The following SHANK2 variants were observed in gnomAD, a reference collection of about 807,000 sequenced individuals.
The protein encoded by SHANK2 is SH3 and multiple ankyrin repeat domains 2, also known as SH3 and multiple ankyrin repeat domains protein 2.
SHANK2 carries 43 observed loss-of-function variants against 133.7 expected under a neutral mutation model. The observed-to-expected ratio is 0.32, with a 90% CI of 0.25 to 0.41. The LOEUF (loss-of-function observed/expected upper bound fraction) is 0.41. SHANK2 is among the 10% of genes least tolerant of loss of function. SHANK2 has a pLI of 1.00. For missense variants in SHANK2, 1,994 were observed against 2,235.8 expected, an observed-to-expected ratio of 0.89 and a Z score of 2.18; for synonymous variants, 1,017 against 952.8, an observed-to-expected ratio of 1.07 and a Z score of -1.24.
chr11:70,858,246 T>C (rs1051186185), intron 11 of SHANK2, among the ~76,000 whole-genome samples: 14 of 152,222 alleles, frequency 9.2e-5, no homozygotes, highest in African/African-American at 3.4e-4. Flanking sequence ...TTCACTGCCA[T>C]GTTCATATAA....
intron 12 of SHANK2, among the ~76,000 whole-genome samples, chr11:70,817,655 G>A (rs185058037): frequency 4.7e-4 from 71 of 152,300 alleles, no homozygotes; most frequent in African/African-American, 1.3e-3. Flanking sequence ...TGTGGAATGC[G>A]CACTGGCTGG....
chr11:71,160,742 A>T (rs550446578), intron 2 of SHANK2, among the ~76,000 whole-genome samples: 39 of 152,178 alleles, frequency 2.6e-4, no homozygotes, highest in Non-Finnish European at 4.6e-4. Flanking sequence ...ATGGGGAAAA[A>T]GTTGAGGAGG....
At chr11:70,821,935 C>T (rs539723531) in intron 11 of SHANK2, among the ~76,000 whole-genome samples, 2 of 152,200 alleles carry the variant, frequency 1.3e-5, no homozygotes, top group Non-Finnish European at 2.9e-5. Flanking sequence ...CAGGCCCTCA[C>T]TCTCCTCACT....
intron 13 of SHANK2, among the ~76,000 whole-genome samples, chr11:70,801,621 A>C (rs782541177): frequency 1.3e-5 from 2 of 152,180 alleles, no homozygotes; most frequent in African/African-American, 4.8e-5. Flanking sequence ...CTGGGTAAGA[A>C]GAGGTGGAGG....
intron 8 of SHANK2, among the ~76,000 whole-genome samples, chr11:71,088,376 G>C (rs1951447405): frequency 6.6e-6 from 1 of 152,132 alleles, no homozygotes; most frequent in African/African-American, 2.4e-5. Flanking sequence ...CATCACACCT[G>C]AACACACAAA....
At chr11:70,826,300 A>C (rs1948638973) in intron 11 of SHANK2, among the ~76,000 whole-genome samples, 1 of 152,124 alleles carries the variant, frequency 6.6e-6, no homozygotes, top group African/African-American at 2.4e-5. Context: ...TTCCGGACCA[A>C]CTCAAACCAA....
intron 17 of SHANK2, among the ~76,000 whole-genome samples, chr11:70,658,932 T>G (rs2061445743): frequency 6.6e-6 from 1 of 152,172 alleles, no homozygotes; most frequent in African/African-American, 2.4e-5. Flanking sequence ...GAAGAGCGCG[T>G]GCATCCAAGA....
intron 12 of SHANK2, among the ~76,000 whole-genome samples, chr11:70,809,300 T>C (rs1948231095): frequency 6.6e-6 from 1 of 152,218 alleles, no homozygotes; most frequent in Admixed American, 6.5e-5. Context: ...TCTGAGGCGA[T>C]GGAGGCAGCA....
chr11:70,922,239 GAGA>G (rs1555080813), intron 10 of SHANK2, among the ~76,000 whole-genome samples: 1 of 152,188 alleles, frequency 6.6e-6, no homozygotes, highest in Non-Finnish European at 1.5e-5. Context: ...GAAGCACAGA[GAGA>G]AGGACAAATG....
chr11:70,718,583 T>C (rs559338002), intron 14 of SHANK2, among the ~76,000 whole-genome samples: 1 of 152,216 alleles, frequency 6.6e-6, no homozygotes, highest in Admixed American at 6.5e-5. Context: ...TCCTTCCAAA[T>C]ACCTGCAAGG....
At chr11:70,954,595 C>T (rs1950890719) in intron 10 of SHANK2, among the ~76,000 whole-genome samples, 1 of 152,228 alleles carries the variant, frequency 6.6e-6, no homozygotes, top group South Asian at 2.1e-4. Flanking sequence ...TGGGCTGAGT[C>T]CTCCCCCAGT....
In SHANK2 at chr11:70,703,549, G is replaced by A. The variant is rs140950094; in HGVS notation, c.1778-4786C>T. ...CCCCCTGGGACTTGCTGTGCACTGCGCTGAGAGGCAAGGGCTGCTGGGCTG... is the reference window on the plus strand; with the variant it reads ...CCCCCTGGGACTTGCTGTGCACTGCACTGAGAGGCAAGGGCTGCTGGGCTG... On this transcript the variant is annotated intron_variant, in intron 14 of 25. Transcript: ENST00000601538. Among the ~76,000 whole-genome samples the A allele has an allele frequency of 7.0e-4, 107 of 152,244 alleles. 1 individual carries two copies. Among genetic ancestry groups the A allele is most frequent in the African/African-American group, 2.5e-3 (103 of 41,554 alleles).
intron 15 of SHANK2, among the ~76,000 whole-genome samples, chr11:70,691,433 C>T (rs998942689): frequency 9.9e-5 from 15 of 152,108 alleles, no homozygotes; most frequent in Admixed American, 5.2e-4. Flanking sequence ...AGAAATGGCT[C>T]ACCCAAATGG....
intron 17 of SHANK2, among the ~76,000 whole-genome samples, chr11:70,509,173 C>T (rs2059169035): frequency 6.6e-6 from 1 of 152,240 alleles, no homozygotes; most frequent in South Asian, 2.1e-4. Flanking sequence ...CCTTGCCCGG[C>T]CTTCTTGGTT....
chr11:70,496,725 TC>T (rs1163731712), intron 21 of SHANK2, among the ~76,000 whole-genome samples: 2 of 151,922 alleles, frequency 1.3e-5, no homozygotes, highest in African/African-American at 4.8e-5. Context: ...GGCGCTGGGG[TC>T]CCCCAAGCCT....
At chr11:70,771,268 C>T (rs1272478491) in intron 14 of SHANK2, among the ~76,000 whole-genome samples, 2 of 152,216 alleles carry the variant, frequency 1.3e-5, no homozygotes, top group African/African-American at 4.8e-5. Context: ...GCCATCTCAG[C>T]ACACCATCGC....
intron 6 of SHANK2, among the ~76,000 whole-genome samples, chr11:71,105,956 T>C (rs1376049025): frequency 6.6e-6 from 1 of 152,160 alleles, no homozygotes; most frequent in Non-Finnish European, 1.5e-5. Context: ...TGAGGATCAC[T>C]ACTGGGTTAC....
chr11:70,870,315 G>C (rs1419389933), intron 11 of SHANK2, among the ~76,000 whole-genome samples: 1 of 152,182 alleles, frequency 6.6e-6, no homozygotes, highest in African/African-American at 2.4e-5. Flanking sequence ...AGTGGGGAGG[G>C]AGGGGCAGAT....
chr11:70,655,369 G>A (rs1457960127), intron 17 of SHANK2, among the ~76,000 whole-genome samples: 4 of 152,194 alleles, frequency 2.6e-5, no homozygotes, highest in African/African-American at 9.7e-5. Flanking sequence ...AGACAATGTG[G>A]GTTGGAATTC....
Sources: allele counts gnomAD v4.1 joint callset (sites outside exome capture counted in the v4.1 genomes callset), GRCh38; gene constraint gnomAD v4.1.1; transcripts MANE v1.5; gene names NCBI Gene and HGNC (gene_info 2026-07-23, HGNC 2026-07-21).